The following SLC38A12 variants were observed in gnomAD, a reference collection of about 807,000 sequenced individuals.
SLC38A12 encodes putative sodium-coupled neutral amino acid transporter 12.
At chr17:74,800,836 G>T in the SLC38A12 span, among the ~76,000 whole-genome samples, 1 of 152,218 alleles carries the variant, frequency 6.6e-6, no homozygotes, top group East Asian at 1.9e-4. Flanking sequence ...CCTGGGGAGG[G>T]CCTGGCAAGA....
chr17:74,837,628 C>G, the SLC38A12 span: 2 of 985,528 alleles, frequency 2.0e-6, no homozygotes, highest in Non-Finnish European at 2.4e-6. Flanking sequence ...AAGCGGCTCC[C>G]TTAGGGGCTG....
chr17:74,821,168 AC>A, the SLC38A12 span, among the ~76,000 whole-genome samples: 4 of 152,374 alleles, frequency 2.6e-5, no homozygotes, highest in Admixed American at 1.3e-4. Context: ...AGCCATGCTC[AC>A]CAGCCTGTAA....
the SLC38A12 span, among the ~76,000 whole-genome samples, chr17:74,830,014 G>A: frequency 3.3e-5 from 5 of 152,212 alleles, no homozygotes; most frequent in Non-Finnish European, 1.5e-5. Context: ...GCGCTGGAAG[G>A]AAGGGGCTCG....
the SLC38A12 span, chr17:74,795,197 C>A: frequency 8.8e-7 from 1 of 1,142,348 alleles, no homozygotes; most frequent in Non-Finnish European, 1.3e-6. Context: ...GGAGAAGCAC[C>A]ATGCCAAGTG....
chr17:74,837,264 A>G, the SLC38A12 span: 36 of 985,574 alleles, frequency 3.7e-5, no homozygotes, highest in Non-Finnish European at 4.2e-5. Context: ...GGCTGGCCCC[A>G]TGACAAGAAC....
At chr17:74,776,696 G>A in the SLC38A12 span, 1 of 154,040 alleles carries the variant, frequency 6.5e-6, no homozygotes, top group South Asian at 1.9e-4. Flanking sequence ...AGAGGGAGAG[G>A]CTGGGAGTGG....
At chr17:74,795,225 G>A in the SLC38A12 span, 2 of 857,796 alleles carry the variant, frequency 2.3e-6, no homozygotes, top group Non-Finnish European at 1.9e-6. Flanking sequence ...TGCATCTAGG[G>A]AATGCAGATG....
At chr17:74,792,343 C>T in the SLC38A12 span, among the ~76,000 whole-genome samples, 1 of 152,022 alleles carries the variant, frequency 6.6e-6, no homozygotes. Context: ...CCCAGCTACT[C>T]CAGAGGCTGA....
chr17:74,804,957 C>T, the SLC38A12 span, among the ~76,000 whole-genome samples: 1 of 152,260 alleles, frequency 6.6e-6, no homozygotes, highest in African/African-American at 2.4e-5. Context: ...ATCTGGTTGC[C>T]TGACCACTGG....
At chr17:74,787,571 G>A in the SLC38A12 span, among the ~76,000 whole-genome samples, 2 of 150,760 alleles carry the variant, frequency 1.3e-5, no homozygotes, top group Non-Finnish European at 3.0e-5. Context: ...GCAGTGAGCC[G>A]AGATTGCGCC....
the SLC38A12 span, among the ~76,000 whole-genome samples, chr17:74,818,310 G>A: frequency 2.6e-5 from 4 of 152,152 alleles, no homozygotes; most frequent in African/African-American, 9.7e-5. Context: ...GTGGAAGCAG[G>A]GCCAGTTCTG....
the SLC38A12 span, among the ~76,000 whole-genome samples, chr17:74,778,737 C>CT: frequency 6.6e-6 from 1 of 150,742 alleles, no homozygotes; most frequent in African/African-American, 2.5e-5. Context: ...CAACCTCTGC[C>CT]TCCCAGGTTC....
At chr17:74,820,905 C>G in the SLC38A12 span, among the ~76,000 whole-genome samples, 1 of 152,360 alleles carries the variant, frequency 6.6e-6, no homozygotes, top group East Asian at 1.9e-4. Flanking sequence ...AGCTTGACAT[C>G]TGCAATTCCC....
the SLC38A12 span, among the ~76,000 whole-genome samples, chr17:74,819,457 G>A: frequency 6.6e-6 from 1 of 152,270 alleles, no homozygotes; most frequent in Non-Finnish European, 1.5e-5. Context: ...GCTGAAGAGA[G>A]CAGGACGCAT....
At chr17:74,838,322 G>GC in the SLC38A12 span, 1 of 986,792 alleles carries the variant, frequency 1.0e-6, no homozygotes, top group Non-Finnish European at 1.2e-6. Flanking sequence ...GTTGGGTAGA[G>GC]CAGGGGCCTG....
At chr17:74,795,039 T>C in the SLC38A12 span, 4 of 1,613,992 alleles carry the variant, frequency 2.5e-6, no homozygotes, top group Non-Finnish European at 3.4e-6. Context: ...TATTTCTGCA[T>C]CATCGTTTAC....
chr17:74,837,492 T>C, the SLC38A12 span: 1 of 985,318 alleles, frequency 1.0e-6, no homozygotes, highest in Non-Finnish European at 1.2e-6. Context: ...GTGCAGGTGG[T>C]CCTACTAGAG....
chr17:74,777,370 T>A, the SLC38A12 span: 1 of 1,614,206 alleles, frequency 6.2e-7, no homozygotes, highest in Non-Finnish European at 8.5e-7. Context: ...ACTCTACTCT[T>A]CCTACGTGAG....
At chr17:74,808,771 G>T in the SLC38A12 span, among the ~76,000 whole-genome samples, 2 of 152,202 alleles carry the variant, frequency 1.3e-5, no homozygotes, top group African/African-American at 4.8e-5. Context: ...ACTCATCCTG[G>T]TTCCAAAGGT....
Sources: allele counts gnomAD v4.1 joint callset (sites outside exome capture counted in the v4.1 genomes callset), GRCh38; gene constraint gnomAD v4.1.1; transcripts MANE v1.5; gene names NCBI Gene and HGNC (gene_info 2026-07-23, HGNC 2026-07-21).